Variants in BRINP3 observed in about 807,000 individuals in gnomAD.
BRINP3 encodes BMP/retinoic acid inducible neural specific 3.
In BRINP3, 19 loss-of-function variants were observed where a neutral mutation model predicts 71.0. The observed-to-expected ratio is 0.27, with a 90% CI of 0.19 to 0.39. BRINP3 has a LOEUF of 0.39. Among genes scored for constraint, BRINP3 ranks in the 10% least tolerant of loss-of-function variants. The probability of loss-of-function intolerance (pLI) is 1.00; values close to 1 mark genes in which losing one functional copy is unlikely to be tolerated. For synonymous variants in BRINP3, 380 were observed against 337.7 expected (o/e 1.13, Z -1.37); for missense variants, 959 against 940.8 (o/e 1.02, Z -0.25).
intron 3 of BRINP3, among the ~76,000 whole-genome samples, chr1:190,269,572 C>A (rs1414675610): frequency 2.6e-5 from 4 of 151,946 alleles, no homozygotes; most frequent in Admixed American, 6.6e-5. Flanking sequence ...AAACAAGAAT[C>A]AGACAGAAAA....
intron 2 of BRINP3, among the ~76,000 whole-genome samples, chr1:190,432,539 G>A (rs189349613): frequency 7.8e-4 from 119 of 152,248 alleles, no homozygotes; most frequent in Non-Finnish European, 1.1e-3. Flanking sequence ...GTGTGTTTTA[G>A]TGTCTATAAT....
In BRINP3 at chr1:190,458,588, T is replaced by C. The variant is rs147918253; in HGVS notation, c.-50-3648A>G. Among the ~76,000 whole-genome samples, 63 of 152,160 alleles carry C rather than the reference T, an allele frequency of 4.1e-4. 1 individual carries two copies. Among genetic ancestry groups the C allele is most frequent in the African/African-American group, 1.5e-3 (63 of 41,576 alleles). Reference sequence around the variant, plus strand: ...TTATTACTGAATTACCTTAATTGGTTGCTTTATTTGGTTTGGGTTATAACC... The same window carrying C: ...TTATTACTGAATTACCTTAATTGGTCGCTTTATTTGGTTTGGGTTATAACC... On this transcript the variant is annotated intron_variant, in intron 1 of 7. Coordinates refer to ENST00000367462, the MANE Select transcript of BRINP3 (RefSeq NM_199051.3).
intron 2 of BRINP3, among the ~76,000 whole-genome samples, chr1:190,296,538 C>T (rs1664268604): frequency 1.3e-5 from 2 of 152,174 alleles, no homozygotes; most frequent in Non-Finnish European, 2.9e-5. Context: ...CTCACCATTT[C>T]TATTCAGCAT....
chr1:190,273,864 T>C (rs1342786999), intron 3 of BRINP3, among the ~76,000 whole-genome samples: 1 of 151,558 alleles, frequency 6.6e-6, no homozygotes, highest in African/African-American at 2.4e-5. Flanking sequence ...ACAATGATAA[T>C]GTGGTAGATT....
intron 2 of BRINP3, among the ~76,000 whole-genome samples, chr1:190,347,773 C>G (rs1360767900): frequency 2.0e-5 from 3 of 152,022 alleles, no homozygotes; most frequent in Non-Finnish European, 4.4e-5. Context: ...ATAAGATGAC[C>G]AGATGCTTGG....
intron 2 of BRINP3, among the ~76,000 whole-genome samples, chr1:190,296,547 A>G (rs547491816): frequency 2.6e-5 from 4 of 152,242 alleles, no homozygotes; most frequent in East Asian, 1.9e-4. Flanking sequence ...TCTATTCAGC[A>G]TAGTACTGGA....
rs77116039 is a variant in BRINP3 at position 190,243,566 on chromosome 1, C to T, written c.619-9089G>A. 5.4e-4 allele frequency among the ~76,000 whole-genome samples: 82 copies of T among 152,154 alleles called. 1 individual carries two copies. In the East Asian group the frequency reaches 0.012, roughly 22 times the overall value. On this transcript the variant is annotated intron_variant, in intron 4 of 7. Transcript: ENST00000367462. ...GGGATATGTTGTTACTCTAGCTGGG[C>T]TAATGAGTTTTCTGAGGTTTTCAAT... is the stretch of plus-strand genomic sequence containing the variant.
At chr1:190,148,573 C>T (rs1282278970) in intron 7 of BRINP3, among the ~76,000 whole-genome samples, 11 of 147,960 alleles carry the variant, frequency 7.4e-5, no homozygotes, top group Admixed American at 4.1e-4. Flanking sequence ...ACAGCCAGGG[C>T]GACAGAGTTG....
intron 4 of BRINP3, among the ~76,000 whole-genome samples, chr1:190,241,080 T>C (rs941612589): frequency 4.6e-5 from 7 of 151,986 alleles, no homozygotes; most frequent in African/African-American, 1.4e-4. Flanking sequence ...ACTGGGCACA[T>C]GGTAGAAATT....
intron 6 of BRINP3, among the ~76,000 whole-genome samples, chr1:190,192,812 C>T (rs963474986): frequency 6.6e-6 from 1 of 151,996 alleles, no homozygotes; most frequent in Non-Finnish European, 1.5e-5. Flanking sequence ...ACTGGTTGGG[C>T]TTTGATTCAC....
intron 7 of BRINP3, among the ~76,000 whole-genome samples, chr1:190,109,049 T>C (rs1652442972): frequency 6.6e-6 from 1 of 152,180 alleles, no homozygotes; most frequent in Admixed American, 6.5e-5. Flanking sequence ...TTTTGAACAG[T>C]AAATCCACTT....
chr1:190,365,808 A>ATG (rs1669458424), intron 2 of BRINP3, among the ~76,000 whole-genome samples: 3 of 13,432 alleles, frequency 2.2e-4, no homozygotes, highest in African/African-American at 5.4e-4. Flanking sequence ...GAGCAAGTGT[A>ATG]TATATATATA....
intron 2 of BRINP3, among the ~76,000 whole-genome samples, chr1:190,377,984 C>A (rs1357772051): frequency 6.6e-6 from 1 of 152,056 alleles, no homozygotes; most frequent in Non-Finnish European, 1.5e-5. Context: ...ATATCCATAT[C>A]AAATACCCAC....
intron 7 of BRINP3, among the ~76,000 whole-genome samples, chr1:190,102,906 A>G (rs1651820392): frequency 6.6e-6 from 1 of 152,100 alleles, no homozygotes; most frequent in Non-Finnish European, 1.5e-5. Context: ...GGAAAAATTA[A>G]TCATTAGCTA....
At chr1:190,132,876 T>C (rs947976262) in intron 7 of BRINP3, among the ~76,000 whole-genome samples, 1 of 152,078 alleles carries the variant, frequency 6.6e-6, no homozygotes, top group Non-Finnish European at 1.5e-5. Flanking sequence ...TTTGGATCAC[T>C]AACTTTGAAG....
intron 2 of BRINP3, among the ~76,000 whole-genome samples, chr1:190,291,284 C>T: frequency 6.6e-6 from 1 of 151,926 alleles, no homozygotes; most frequent in East Asian, 1.9e-4. Flanking sequence ...AAACTCTGAG[C>T]TCAGGGTGCA....
intron 6 of BRINP3, among the ~76,000 whole-genome samples, chr1:190,201,737 CA>C (rs35893019): frequency 2.0e-5 from 3 of 152,194 alleles, no homozygotes; most frequent in Admixed American, 1.3e-4. Flanking sequence ...AACGTGGCTT[CA>C]AAAGGTGCAA....
intron 6 of BRINP3, among the ~76,000 whole-genome samples, chr1:190,209,269 T>G (rs1275023671): frequency 2.6e-5 from 4 of 152,132 alleles, no homozygotes; most frequent in Non-Finnish European, 4.4e-5. Context: ...TAAAAAGTTC[T>G]AGGTTTCAAC....
intron 6 of BRINP3, among the ~76,000 whole-genome samples, chr1:190,174,757 G>C (rs371887355): frequency 5.3e-5 from 8 of 150,816 alleles, no homozygotes; most frequent in African/African-American, 2.0e-4. Flanking sequence ...ACATAATAAA[G>C]AGAAAATCAT....
Sources: allele counts gnomAD v4.1 joint callset (sites outside exome capture counted in the v4.1 genomes callset), GRCh38; gene constraint gnomAD v4.1.1; transcripts MANE v1.5; gene names NCBI Gene and HGNC (gene_info 2026-07-23, HGNC 2026-07-21).